The following LAMA1 variants were observed in gnomAD, a reference collection of about 807,000 sequenced individuals.
LAMA1 encodes laminin subunit alpha 1.
LAMA1 carries 219 observed loss-of-function variants against 348.7 expected under a neutral mutation model. That is an observed-to-expected ratio of 0.63 (90% CI 0.56 to 0.70). LAMA1 has a LOEUF of 0.70. LAMA1 is among the 30% of genes least tolerant of loss of function. The probability of loss-of-function intolerance (pLI) is 0.00; values close to 1 mark genes in which losing one functional copy is unlikely to be tolerated. For synonymous variants in LAMA1, 1,487 were observed against 1,491.0 expected, an observed-to-expected ratio of 1.00 and a Z score of 0.06; for missense variants, 3,744 against 3,888.0, an observed-to-expected ratio of 0.96 and a Z score of 0.99.
rs79496467 is a variant in LAMA1 at position 7,048,005 on chromosome 18, C to T, written c.768+1073G>A. 9.2e-3 allele frequency among the ~76,000 whole-genome samples: 1,402 copies of T among 152,180 alleles called. 24 individuals carry two copies. The highest frequency in any genetic ancestry group is 0.033 in the African/African-American group (1,352 of 41,532). On this transcript the variant is annotated intron_variant, in intron 5 of 62. Transcript: ENST00000389658. Reference sequence around the variant, plus strand: ...TTTTGAGGTCATAGAAAGCATTAATCATAAAAGAAAAAATGGTAAATTGGG... The same window carrying T: ...TTTTGAGGTCATAGAAAGCATTAATTATAAAAGAAAAAATGGTAAATTGGG...
intron 12 of LAMA1, among the ~76,000 whole-genome samples, chr18:7,036,931 G>T (rs142774789): frequency 1.3e-5 from 2 of 152,034 alleles, no homozygotes; most frequent in Non-Finnish European, 2.9e-5. Context: ...ATAAATTTTC[G>T]TATCAATCAG....
chr18:6,982,476 C>G (rs1368577935), intron 41 of LAMA1, 21 bp downstream of exon 41: 5 of 1,607,276 alleles, frequency 3.1e-6, no homozygotes, highest in Non-Finnish European at 4.3e-6. Flanking sequence ...CCTGTCTACA[C>G]CGTCCGAGCC....
intron 1 of LAMA1, among the ~76,000 whole-genome samples, chr18:7,104,799 T>A (rs987570758): frequency 6.6e-6 from 1 of 152,356 alleles, no homozygotes; most frequent in East Asian, 1.9e-4. Context: ...CATTACATGC[T>A]ACATTGGACT....
At chr18:7,110,688 G>C (rs991105167) in intron 1 of LAMA1, among the ~76,000 whole-genome samples, 1 of 152,120 alleles carries the variant, frequency 6.6e-6, no homozygotes, top group African/African-American at 2.4e-5. Flanking sequence ...CTGGCATGGT[G>C]GTGGGCGCCT....
intron 3 of LAMA1, among the ~76,000 whole-genome samples, chr18:7,065,471 G>A (rs551691062): frequency 7.9e-5 from 12 of 152,260 alleles, no homozygotes; most frequent in African/African-American, 2.9e-4. Flanking sequence ...TGTAATCCCA[G>A]CACTTTGGGA....
At chr18:6,978,440 A>G in intron 42 of LAMA1, 62 bp from the exon 43 acceptor site, 2 of 1,408,820 alleles carry the variant, frequency 1.4e-6, no homozygotes, top group Non-Finnish European at 2.0e-6. Context: ...AAAGAATAAA[A>G]CGACAACAAA....
chr18:7,043,754 T>C (rs1293338689), intron 7 of LAMA1, among the ~76,000 whole-genome samples: 2 of 151,474 alleles, frequency 1.3e-5, no homozygotes, highest in African/African-American at 4.9e-5. Flanking sequence ...GGTGGTTGTT[T>C]AATAAATTAT....
Position 6,976,068 on chromosome 18 carries a change from C to A in LAMA1, c.6358G>T (p.Val2120Leu), listed in dbSNP as rs769166400. The A allele has an allele frequency of 2.1e-5, 34 of 1,614,080 alleles. No homozygotes were observed. The highest frequency in any genetic ancestry group is 2.7e-5 in the Non-Finnish European group (32 of 1,180,002). ...RKQAASIKVA[V>L]SADRDCIRAY... ...CGGATGCAATCTCTGTCTGCAGACA[C>A]GGCGACTTTAATCTGTAGAAGGAAA... The change falls in exon 45 of 63, where the codon GTG (valine) becomes TTG (leucine). Residue 2120 changes from valine to leucine, a missense_variant. Val to Leu is a conservative substitution (Grantham distance 32, BLOSUM62 1). Coordinates refer to ENST00000389658, the MANE Select transcript of LAMA1 (RefSeq NM_005559.4).
rs145580032 is a variant in LAMA1 at position 6,949,203 on chromosome 18, A to G, written c.8454T>C (p.Ser2818=). The G allele has an allele frequency of 1.0e-3, 1,672 of 1,614,102 alleles. 12 individuals are homozygous for G. The African/African-American group carries it at 0.02, about 19-fold the overall frequency. ...CATCTCCCACCACAGTCACCATGGGAGACTCTCGGCCGTCGACAGTTATGA... is the reference window on the plus strand; with the variant it reads ...CATCTCCCACCACAGTCACCATGGGGGACTCTCGGCCGTCGACAGTTATGA... ...KGFITVDGRE[S]PMVTVVGDGT... Residue 2818 remains serine (S), a synonymous_variant, in exon 59 of 63, where the codon TCT becomes TCC. Transcript: ENST00000389658.
intron 50 of LAMA1, 139 bp from the exon 51 acceptor site, chr18:6,964,942 T>C (rs148601177): frequency 9.0e-6 from 9 of 1,005,470 alleles, no homozygotes; most frequent in South Asian, 8.4e-5. Flanking sequence ...GCTAATGTTC[T>C]TGGCTATTGA....
intron 61 of LAMA1, among the ~76,000 whole-genome samples, chr18:6,944,016 T>C (rs561979999): frequency 1.8e-4 from 27 of 152,166 alleles, no homozygotes; most frequent in African/African-American, 6.5e-4. Context: ...CTGGTCATAC[T>C]TTCATTTTTT....
chr18:6,969,885 G>A (rs577156358), intron 48 of LAMA1, among the ~76,000 whole-genome samples: 19 of 152,292 alleles, frequency 1.2e-4, no homozygotes, highest in Admixed American at 3.3e-4. Context: ...TTCATTCAGT[G>A]CTGTAGCTTG....
intron 1 of LAMA1, among the ~76,000 whole-genome samples, chr18:7,116,770 G>T (rs575035774): frequency 7.0e-4 from 107 of 152,276 alleles, no homozygotes; most frequent in Admixed American, 1.8e-3. Flanking sequence ...AAAGGGAAAA[G>T]AATTCTTTCT....
chr18:6,999,356 G>C, intron 32 of LAMA1, 89 bp downstream of exon 32: 1 of 1,267,508 alleles, frequency 7.9e-7, no homozygotes, highest in African/African-American at 1.5e-5. Context: ...TTTTTATTCT[G>C]CAGACACTTT....
intron 4 of LAMA1, 82 bp from the exon 5 acceptor site, chr18:7,049,339 G>T: frequency 2.3e-6 from 3 of 1,322,660 alleles, no homozygotes; most frequent in Non-Finnish European, 3.2e-6. Flanking sequence ...TCGCTCTTTG[G>T]TCCAGGCTGG....
At chr18:7,088,562 G>A (rs2058226896) in intron 1 of LAMA1, among the ~76,000 whole-genome samples, 1 of 151,860 alleles carries the variant, frequency 6.6e-6, no homozygotes, top group South Asian at 2.1e-4. Context: ...CTGTTGCTCA[G>A]GCTGGAGTGC....
intron 36 of LAMA1, among the ~76,000 whole-genome samples, chr18:6,987,000 T>C (rs1269410758): frequency 1.3e-5 from 2 of 152,104 alleles, no homozygotes; most frequent in Non-Finnish European, 2.9e-5. Context: ...CTCAGGTGAC[T>C]TGCCCACCTC....
chr18:7,105,595 G>C (rs1042629287), intron 1 of LAMA1, among the ~76,000 whole-genome samples: 3 of 152,268 alleles, frequency 2.0e-5, no homozygotes, highest in South Asian at 2.1e-4. Flanking sequence ...AGGGAAGAAG[G>C]GGGTGGCCCA....
intron 3 of LAMA1, 53 bp from the exon 4 acceptor site, chr18:7,050,989 C>T (rs541310584): frequency 6.2e-7 from 1 of 1,603,972 alleles, no homozygotes; most frequent in Non-Finnish European, 8.5e-7. Context: ...AAGCCAGGCA[C>T]AGAATGAGAG....
Sources: gnomAD v4.1 joint callset for allele counts (sites outside exome capture counted in the v4.1 genomes callset) on GRCh38, gnomAD v4.1.1 for gene constraint, MANE v1.5 for transcripts, NCBI Gene and HGNC (gene_info 2026-07-23, HGNC 2026-07-21) for gene names.